PARP8: variants seen among roughly 807,000 people sequenced by gnomAD.
The protein encoded by PARP8 is poly(ADP-ribose) polymerase family member 8.
Under a neutral mutation model 124.1 loss-of-function variants are expected in PARP8, and 51 were observed. The ratio of observed to expected loss-of-function variants is 0.41; its 90% CI spans 0.33 to 0.52. The LOEUF is 0.52. Among genes scored for constraint, PARP8 ranks in the 20% least tolerant of loss-of-function variants. PARP8 has a pLI of 0.21. For missense variants in PARP8, 860 were observed against 1,018.9 expected (o/e 0.84, Z 2.12); for synonymous variants, 391 against 361.5 (o/e 1.08, Z -0.93).
At chr5:50,681,656 G>T (rs1274667270) in intron 2 of PARP8, among the ~76,000 whole-genome samples, 2 of 152,136 alleles carry the variant, frequency 1.3e-5, no homozygotes, top group African/African-American at 2.4e-5. Context: ...AGTTGTAGAG[G>T]AGACTCAAGA....
intron 9 of PARP8, 107 bp downstream of exon 9, chr5:50,778,757 T>C (rs1740324107): frequency 1.8e-6 from 1 of 550,680 alleles, no homozygotes; most frequent in Non-Finnish European, 3.0e-6. Flanking sequence ...GTGCTAAATA[T>C]CTTGATAATG....
rs368269722 is a variant in PARP8, at chr5:50,797,243, T to C, written c.1575+10T>C. 2.6e-6 allele frequency: 4 copies of C among 1,567,844 alleles called. No homozygotes were observed. The highest frequency in any genetic ancestry group is 3.4e-5 in the Admixed American group (2 of 58,326). On this transcript the variant is annotated intron_variant, in intron 14 of 25. Coordinates refer to ENST00000281631, the MANE Select transcript of PARP8 (RefSeq NM_024615.4). ...TGGCCCTATGCTTAGGGTAAGTTCT[T>C]GCTGATAGAATGTCCGTGTTGGTTT...
At position 50,668,054 on chromosome 5, in the gene PARP8, G is replaced by C. The variant is rs369484737; in HGVS notation, c.92-17G>C. 1.9e-5 allele frequency: 30 copies of C among 1,611,880 alleles called. No homozygotes were observed. Among genetic ancestry groups the C allele is most frequent in the Admixed American group, 3.3e-5 (2 of 60,010 alleles). ...ATCCACTCCAGGGGTAGCTTTTGACGGGACTTTCTGTTTCAGATTTCAGAT... is the reference window on the plus strand; with the variant it reads ...ATCCACTCCAGGGGTAGCTTTTGACCGGACTTTCTGTTTCAGATTTCAGAT... On this transcript the variant is annotated splice_polypyrimidine_tract_variant and intron_variant, in intron 1 of 25. Coordinates refer to ENST00000281631, the MANE Select transcript of PARP8 (RefSeq NM_024615.4).
At chr5:50,713,774 G>T (rs923643879) in intron 2 of PARP8, among the ~76,000 whole-genome samples, 1 of 152,006 alleles carries the variant, frequency 6.6e-6, no homozygotes, top group African/African-American at 2.4e-5. Context: ...CTTAGAAGAG[G>T]CAGGCGAGTC....
chr5:50,807,897 G>A (rs1366074288), intron 14 of PARP8, among the ~76,000 whole-genome samples: 1 of 151,938 alleles, frequency 6.6e-6, no homozygotes, highest in African/African-American at 2.4e-5. Flanking sequence ...GTTTGACAAG[G>A]CATGAGATTC....
At chr5:50,672,549 A>G (rs181887120) in intron 2 of PARP8, among the ~76,000 whole-genome samples, 1 of 152,316 alleles carries the variant, frequency 6.6e-6, no homozygotes, top group African/African-American at 2.4e-5. Flanking sequence ...TTATAAGTCC[A>G]CTTCTCTGGG....
At chr5:50,821,951 C>A (rs1293106889) in intron 16 of PARP8, among the ~76,000 whole-genome samples, 2 of 152,162 alleles carry the variant, frequency 1.3e-5, no homozygotes, top group African/African-American at 2.4e-5. Flanking sequence ...CAATATTCAA[C>A]TCAAAATAAA....
chr5:50,794,376 T>A, intron 11 of PARP8, 44 bp downstream of exon 11: 1 of 1,600,450 alleles, frequency 6.2e-7, no homozygotes. Flanking sequence ...GAATGCTGAG[T>A]GTGTGATGTA....
chr5:50,774,676 G>A (rs1458376860), intron 7 of PARP8, among the ~76,000 whole-genome samples: 25 of 141,528 alleles, frequency 1.8e-4, no homozygotes, highest in Admixed American at 1.1e-3. Flanking sequence ...CAGACAGGGC[G>A]GCCGGGCAGA....
intron 2 of PARP8, among the ~76,000 whole-genome samples, chr5:50,724,989 A>G (rs1406312747): frequency 1.3e-5 from 2 of 151,926 alleles, no homozygotes; most frequent in South Asian, 2.1e-4. Flanking sequence ...CACTTAGAAT[A>G]TGGCCTCCAG....
At chr5:50,693,121 T>A (rs1167596062) in intron 2 of PARP8, among the ~76,000 whole-genome samples, 1 of 152,190 alleles carries the variant, frequency 6.6e-6, no homozygotes, top group Non-Finnish European at 1.5e-5. Flanking sequence ...AGTTGATAAC[T>A]GAAAGGTGTA....
At chr5:50,809,002 C>T (rs543686441) in intron 14 of PARP8, among the ~76,000 whole-genome samples, 3 of 150,098 alleles carry the variant, frequency 2.0e-5, no homozygotes, top group Non-Finnish European at 4.4e-5. Flanking sequence ...TGCCAAAAAA[C>T]TTTTAGTTCA....
At chr5:50,741,895 C>T (rs150665884) in intron 2 of PARP8, 157 of 437,774 alleles carry the variant, frequency 3.6e-4, no homozygotes, top group Middle Eastern at 7.4e-4. Flanking sequence ...CTGCAACCTC[C>T]GCCTCCCAGG....
intron 2 of PARP8, among the ~76,000 whole-genome samples, chr5:50,748,966 C>T (rs1205007991): frequency 1.3e-5 from 2 of 152,120 alleles, no homozygotes; most frequent in Non-Finnish European, 2.9e-5. Flanking sequence ...CAAATGTTTG[C>T]TCTTTTGCTA....
At chr5:50,760,177 C>T (rs951906693) in intron 4 of PARP8, 115 bp from the exon 5 acceptor site, 1 of 938,526 alleles carries the variant, frequency 1.1e-6, no homozygotes, top group African/African-American at 1.7e-5. Context: ...TCCCTTAATT[C>T]TTTTTCAGAG....
intron 2 of PARP8, among the ~76,000 whole-genome samples, chr5:50,712,624 A>G (rs1754882451): frequency 6.6e-6 from 1 of 152,134 alleles, no homozygotes; most frequent in African/African-American, 2.4e-5. Context: ...GGCCACCCTG[A>G]ATATAGAAGA....
chr5:50,721,226 C>T (rs190780432), intron 2 of PARP8, among the ~76,000 whole-genome samples: 12 of 152,068 alleles, frequency 7.9e-5, no homozygotes, highest in African/African-American at 1.2e-4. Context: ...GTCTCACCTG[C>T]GTATAGTTTT....
chr5:50,795,463 G>T, intron 12 of PARP8, 46 bp downstream of exon 12: 2 of 1,461,142 alleles, frequency 1.4e-6, no homozygotes, highest in Non-Finnish European at 1.8e-6. Context: ...TAGCTAAGGT[G>T]CAGTAGAATT....
At chr5:50,822,977 C>T (rs925497759) in intron 17 of PARP8, among the ~76,000 whole-genome samples, 3 of 152,198 alleles carry the variant, frequency 2.0e-5, no homozygotes, top group Admixed American at 2.0e-4. Context: ...GAAAAGCACA[C>T]ACTGTTGAAT....
Sources: allele counts gnomAD v4.1 joint callset (sites outside exome capture counted in the v4.1 genomes callset), GRCh38; gene constraint gnomAD v4.1.1; transcripts MANE v1.5; gene names NCBI Gene and HGNC (gene_info 2026-07-23, HGNC 2026-07-21).